VCAN: variants seen among roughly 807,000 people sequenced by gnomAD.
The protein encoded by VCAN is versican, also known as versican core protein.
A neutral mutation model predicts 245.5 loss-of-function variants in VCAN; 44 were observed. That is an observed-to-expected ratio of 0.18 (90% confidence interval 0.14 to 0.23). The LOEUF (loss-of-function observed/expected upper bound fraction) is 0.23, where lower values mean the gene tolerates loss of function less well. Ranked by LOEUF, VCAN falls within the 10% of genes least tolerant of loss-of-function variation. VCAN has a pLI of 1.00. For missense variants in VCAN, 3,793 were observed against 4,057.9 expected (o/e 0.93, Z 1.77); for synonymous variants, 1,413 against 1,437.0 (o/e 0.98, Z 0.38).
At position 83,519,926 on chromosome 5, in the gene VCAN, T is replaced by C; in HGVS notation, c.1620T>C (p.Ser540=). Residue 540 remains serine, a synonymous_variant, in exon 7 of 15, where the codon TCT becomes TCC. Transcript: ENST00000265077. Reference sequence around the variant, plus strand: ...AAAAGAAAATGGTAAGCACTGTTTCTGAATTGGTAACCACAGGTCACTATG... The same window carrying C: ...AAAAGAAAATGGTAAGCACTGTTTCCGAATTGGTAACCACAGGTCACTATG... The part of the protein sequence containing the change: ...KTEKKMVSTV[S]ELVTTGHYGF... The C allele has an allele frequency of 1.2e-6, 2 of 1,614,114 alleles. No homozygotes were observed. Among genetic ancestry groups the C allele is most frequent in the Non-Finnish European group, 1.7e-6 (2 of 1,179,964 alleles).
chr5:83,549,836 CT>C (rs1008384192), intron 10 of VCAN, among the ~76,000 whole-genome samples: 1 of 152,124 alleles, frequency 6.6e-6, no homozygotes, highest in African/African-American at 2.4e-5. Flanking sequence ...TGCCAGGATA[CT>C]GAAAGATTTT....
intron 10 of VCAN, among the ~76,000 whole-genome samples, chr5:83,549,585 T>G (rs967789528): frequency 2.0e-5 from 3 of 152,216 alleles, no homozygotes; most frequent in Non-Finnish European, 2.9e-5. Context: ...TATATGTTTA[T>G]CTGATGCATT....
intron 7 of VCAN, chr5:83,531,293 T>A (rs1379554329): frequency 6.6e-6 from 1 of 152,150 alleles, no homozygotes; most frequent in East Asian, 1.9e-4. Flanking sequence ...GTAAGTACCA[T>A]GAGTGGCTTT....
Position 83,521,241 on chromosome 5 carries a change from C to T in VCAN, c.2935C>T (p.Pro979Ser). ...SSHTIPLSVI[P>S]KTDWGVLVPS... The stretch of plus-strand genomic sequence containing the variant: ...CCATACCATTCCTCTTTCTGTAATT[C>T]CCAAGACAGACTGGGGAGTGTTAGT... The change falls in exon 7 of 15, where the codon CCC (proline) becomes TCC (serine). Residue 979 changes from proline (P) to serine (S), a missense_variant. Pro to Ser is a moderately conservative substitution (Grantham distance 74). Coordinates refer to ENST00000265077, the MANE Select transcript of VCAN (RefSeq NM_004385.5). The T allele has an allele frequency of 1.9e-6, 3 of 1,614,042 alleles. No homozygotes were observed. The highest frequency in any genetic ancestry group is 2.5e-6 in the Non-Finnish European group (3 of 1,179,926).
chr5:83,539,320 T>A lies in VCAN; in HGVS notation c.6317T>A (p.Val2106Glu), dbSNP rs755021289. ...KLWSRQEVNPVRQEIESETTS... is the reference protein window; with the variant it reads ...KLWSRQEVNPERQEIESETTS... ...TGGTCTAGGCAAGAAGTCAACCCTGTAAGACAAGAAATTGAAAGTGAAACA... is the reference window on the plus strand; with the variant it reads ...TGGTCTAGGCAAGAAGTCAACCCTGAAAGACAAGAAATTGAAAGTGAAACA... The change falls in exon 8 of 15, where the codon GTA becomes GAA. Residue 2106 changes from valine to glutamate, a missense_variant. Around this residue, in one of 5 missense-constraint regions of VCAN, gnomAD observed 3,182 missense variants for 3,250.3 expected, o/e 0.98. Transcript: ENST00000265077. The A allele has an allele frequency of 1.2e-6, 2 of 1,614,068 alleles. No homozygotes were observed. Among genetic ancestry groups the A allele is most frequent in the Non-Finnish European group, 1.7e-6 (2 of 1,179,996 alleles).
rs1042852655 is a variant in VCAN at position 83,537,135 on chromosome 5, A to G, written c.4132A>G (p.Ile1378Val). Residue 1378 changes from isoleucine (I) to valine (V), a missense_variant, in exon 8 of 15, where the codon ATA (isoleucine) becomes GTA (valine). Ile to Val is a conservative substitution (Grantham distance 29). This residue lies in a region of VCAN where 3,182 missense variants were observed against 3,250.3 expected (regional missense o/e 0.98). Coordinates refer to ENST00000265077, the MANE Select transcript of VCAN (RefSeq NM_004385.5). The part of the protein sequence containing the change: ...MAEILPEFPD[I>V]IEIDLYHSEE... ...TGAAATTTTACCTGAATTCCCTGACATAATTGAAATAGACCTATACCACAG... is the reference window on the plus strand; with the variant it reads ...TGAAATTTTACCTGAATTCCCTGACGTAATTGAAATAGACCTATACCACAG... 1.9e-6 allele frequency: 3 copies of G among 1,613,898 alleles called. No individual in the cohort carries two copies. The highest frequency in any genetic ancestry group is 1.1e-5 in the South Asian group (1 of 91,078).
chr5:83,472,070 A>C (rs903228447), intron 1 of VCAN, 47 bp downstream of exon 1: 1 of 283,762 alleles, frequency 3.5e-6, no homozygotes, highest in Non-Finnish European at 6.5e-6. Context: ...AAAACAAAAA[A>C]CTTATAGAAA....
At chr5:83,567,495 T>C (rs1226264965) in intron 12 of VCAN, among the ~76,000 whole-genome samples, 2 of 143,736 alleles carry the variant, frequency 1.4e-5, no homozygotes, top group Admixed American at 1.4e-4. Context: ...AGAGACGGGG[T>C]TTCACTATGT....
chr5:83,560,820 G>A (rs1466523040), intron 12 of VCAN, among the ~76,000 whole-genome samples: 2 of 151,934 alleles, frequency 1.3e-5, no homozygotes, highest in African/African-American at 4.8e-5. Context: ...GATTCTCTGG[G>A]CTCCACATTG....
Position 83,520,927 on chromosome 5 carries a change from C to A in VCAN, c.2621C>A (p.Ala874Glu). The A allele has an allele frequency of 1.2e-6, 2 of 1,614,092 alleles. No individual in the cohort carries two copies. Among genetic ancestry groups the A allele is most frequent in the South Asian group, 1.1e-5 (1 of 91,082 alleles). The stretch of plus-strand genomic sequence containing the variant: ...GAGGAGGTTACTGATGAAGACATAG[C>A]AGCCCATGGAAAATTCACAATTAGA... The part of the protein sequence containing the change: ...QLEEVTDEDI[A>E]AHGKFTIRFQ... Residue 874 changes from alanine (A) to glutamate (E), a missense_variant, in exon 7 of 15, where the codon GCA (alanine) becomes GAA (glutamate). Physicochemically the swap from Ala to Glu is moderately radical, Grantham distance 107 (BLOSUM62 -1). Transcript: ENST00000265077.
chr5:83,574,733 A>G (rs1163942751), intron 13 of VCAN, among the ~76,000 whole-genome samples: 2 of 152,146 alleles, frequency 1.3e-5, no homozygotes, highest in African/African-American at 2.4e-5. Flanking sequence ...TTAGAAGTTT[A>G]TTTTATGCTT....
chr5:83,564,021 A>G (rs768996799), intron 12 of VCAN, among the ~76,000 whole-genome samples: 2 of 152,172 alleles, frequency 1.3e-5, no homozygotes, highest in South Asian at 2.1e-4. Flanking sequence ...TGAACATTTT[A>G]GACAGAAAGA....
At chr5:83,527,819 A>G (rs185384449) in intron 7 of VCAN, among the ~76,000 whole-genome samples, 175 of 152,350 alleles carry the variant, frequency 1.1e-3, no homozygotes, top group Non-Finnish European at 2.2e-3. Flanking sequence ...GATAACTAAA[A>G]GGAACTTTAT....
intron 12 of VCAN, among the ~76,000 whole-genome samples, chr5:83,566,704 T>C (rs1272714645): frequency 6.6e-6 from 1 of 152,122 alleles, no homozygotes; most frequent in Non-Finnish European, 1.5e-5. Context: ...CTGAGATACA[T>C]GGAATTGAGG....
intron 12 of VCAN, among the ~76,000 whole-genome samples, chr5:83,565,391 GT>G (rs1429579381): frequency 1.5e-3 from 9 of 6,062 alleles, no homozygotes; most frequent in East Asian, 0.01. Flanking sequence ...ATGTGTAAGG[GT>G]GTGTGTGTGT....
intron 2 of VCAN, 45 bp downstream of exon 2, chr5:83,483,633 G>A (rs199947544): frequency 2.8e-5 from 43 of 1,551,976 alleles, no homozygotes; most frequent in Middle Eastern, 3.4e-4. Flanking sequence ...AAATAAAAAT[G>A]TAAGTGCTGG....
rs1748687647 is a variant in VCAN at position 83,581,868 on chromosome 5, T to C, written c.*1434T>C. On this transcript the variant is annotated 3_prime_UTR_variant, in exon 15 of 15. Transcript: ENST00000265077. ...AAAAACCTGTAATGGAAAGTAAGAC[T>C]CCTTCCCTAATTTCAGTTTAGAGCA... 1 of 152,138 alleles carries C rather than the reference T, an allele frequency of 6.6e-6. No homozygotes were observed. The highest frequency in any genetic ancestry group is 6.6e-5 in the Admixed American group (1 of 15,264). The allele number at this position is 152,138 out of a possible 1,614,324, so 9.4% of individuals were successfully genotyped here.
intron 14 of VCAN, 32 bp downstream of exon 14, chr5:83,580,194 G>A (rs746116431): frequency 4.7e-5 from 76 of 1,613,940 alleles, no homozygotes; most frequent in Non-Finnish European, 5.3e-5. Context: ...ATGGACTACC[G>A]TGCTATAACA....
rs1376660476 is a variant in VCAN at position 83,581,714 on chromosome 5, C to G, written c.*1280C>G. The G allele has an allele frequency of 6.6e-6, 1 of 152,136 alleles. No homozygotes were observed. The highest frequency in any genetic ancestry group is 2.4e-5 in the African/African-American group (1 of 41,420). The allele number at this position is 152,136 out of a possible 1,614,324, so 9.4% of individuals were successfully genotyped here. On this transcript the variant is annotated 3_prime_UTR_variant, in exon 15 of 15. Coordinates refer to ENST00000265077, the MANE Select transcript of VCAN (RefSeq NM_004385.5). ...ATAGAAATAGTGTGGGCATTTCTTC[C>G]TGTTAGGTGGAGTGTATGTGTTGAC...
Sources: gnomAD v4.1 joint callset for allele counts (sites outside exome capture counted in the v4.1 genomes callset) on GRCh38, gnomAD v4.1.1 for gene constraint, gnomAD v4.1.1 regional missense constraint, MANE v1.5 for transcripts, NCBI Gene and HGNC (gene_info 2026-07-23, HGNC 2026-07-21) for gene names.